The following MAGI2 variants were observed in gnomAD, a reference collection of about 807,000 sequenced individuals.
MAGI2 encodes the protein membrane-associated guanylate kinase, WW and PDZ domain-containing protein 2.
In MAGI2, 35 loss-of-function variants were observed where a neutral mutation model predicts 133.3. The observed-to-expected ratio is 0.26, with a 90% confidence interval of 0.20 to 0.35. The LOEUF is 0.35. Among genes scored for constraint, MAGI2 ranks in the 10% least tolerant of loss-of-function variants. MAGI2 has a pLI of 1.00. For missense variants in MAGI2, 1,636 were observed against 1,863.4 expected (o/e 0.88, Z 2.25); for synonymous variants, 729 against 710.6 (o/e 1.03, Z -0.41).
chr7:79,163,396 A>G (rs998681650), intron 1 of MAGI2, among the ~76,000 whole-genome samples: 1 of 151,522 alleles, frequency 6.6e-6, no homozygotes, highest in Non-Finnish European at 1.5e-5. Context: ...CTGGTTGCCA[A>G]CTCCTGACCT....
At chr7:78,397,744 C>T (rs965250530) in intron 6 of MAGI2, among the ~76,000 whole-genome samples, 1 of 152,122 alleles carries the variant, frequency 6.6e-6, no homozygotes, top group African/African-American at 2.4e-5. Flanking sequence ...TTTCGCTTCT[C>T]ACATGACTTC....
chr7:78,378,425 C>T (rs757177909), intron 6 of MAGI2, among the ~76,000 whole-genome samples: 1 of 151,842 alleles, frequency 6.6e-6, no homozygotes, highest in African/African-American at 2.4e-5. Flanking sequence ...AAAAATTGTC[C>T]CCAGTCAATT....
rs866967485 is a variant in MAGI2, at chr7:79,324,621, T to C, written c.301+128399A>G. Among the ~76,000 whole-genome samples the C allele has an allele frequency of 5.6e-5, 3 of 53,300 alleles. 1 individual carries two copies. The highest frequency in any genetic ancestry group is 9.7e-5 in the Non-Finnish European group (3 of 30,818). 35.0% of individuals were successfully genotyped at this position (53,300 alleles called of 152,430 possible). Reference sequence around the variant, plus strand: ...ATATATATATAAAAAATATATATAATATATATATTATATATATATAAAATA... The same window carrying C: ...ATATATATATAAAAAATATATATAACATATATATTATATATATATAAAATA... On this transcript the variant is annotated intron_variant, in intron 1 of 21. Coordinates refer to ENST00000354212, the MANE Select transcript of MAGI2 (RefSeq NM_012301.4).
At chr7:78,708,611 T>C (rs568089865) in intron 2 of MAGI2, among the ~76,000 whole-genome samples, 2 of 152,274 alleles carry the variant, frequency 1.3e-5, no homozygotes, top group East Asian at 3.9e-4. Flanking sequence ...GGAGAATATG[T>C]TTCAAAAAAG....
chr7:78,109,342 GA>G (rs1275964929), intron 20 of MAGI2, among the ~76,000 whole-genome samples: 1 of 85,736 alleles, frequency 1.2e-5, no homozygotes, highest in African/African-American at 4.4e-5. Flanking sequence ...AAAGAAAAAA[GA>G]AAAAAAAAAG....
At chr7:79,092,922 T>C (rs916697735) in intron 1 of MAGI2, among the ~76,000 whole-genome samples, 1 of 152,138 alleles carries the variant, frequency 6.6e-6, no homozygotes, top group East Asian at 1.9e-4. Flanking sequence ...TGACCCACAA[T>C]TTACTTACAT....
chr7:78,218,505 T>C (rs1788485541), intron 10 of MAGI2, among the ~76,000 whole-genome samples: 1 of 152,234 alleles, frequency 6.6e-6, no homozygotes, highest in Non-Finnish European at 1.5e-5. Flanking sequence ...TTGTTAACAA[T>C]TAACTTTTAG....
rs933080325 is a variant in MAGI2, at chr7:79,045,036, T to C, written c.302-37830A>G. Reference sequence around the variant, plus strand: ...TCACAAAATTGGGAAAACCTAAATATGTATCCATAGAATAGTGGGTTAATA... The same window carrying C: ...TCACAAAATTGGGAAAACCTAAATACGTATCCATAGAATAGTGGGTTAATA... On this transcript the variant is annotated intron_variant, in intron 1 of 21. Transcript: ENST00000354212. 7.9e-5 allele frequency among the ~76,000 whole-genome samples: 12 copies of C among 152,322 alleles called. No homozygotes were observed. In the South Asian group the frequency reaches 1.4e-3, roughly 18 times the overall value.
At chr7:78,560,678 T>C (rs1447618327) in intron 3 of MAGI2, among the ~76,000 whole-genome samples, 1 of 152,228 alleles carries the variant, frequency 6.6e-6, no homozygotes. Context: ...ATTTGTGGGC[T>C]TCAGCGGTAG....
At chr7:78,608,949 A>T (rs1489845875) in intron 3 of MAGI2, among the ~76,000 whole-genome samples, 1 of 152,214 alleles carries the variant, frequency 6.6e-6, no homozygotes, top group Non-Finnish European at 1.5e-5. Context: ...AAGGTCCCAC[A>T]ATAGACTGCA....
intron 6 of MAGI2, among the ~76,000 whole-genome samples, chr7:78,465,681 G>A (rs1235914163): frequency 6.6e-6 from 1 of 152,128 alleles, no homozygotes; most frequent in Non-Finnish European, 1.5e-5. Context: ...TATGAAAGAG[G>A]CTCTAAATGG....
At chr7:78,546,938 A>G (rs1323456270) in intron 3 of MAGI2, among the ~76,000 whole-genome samples, 1 of 152,190 alleles carries the variant, frequency 6.6e-6, no homozygotes. Flanking sequence ...CAACTAGTAA[A>G]TACTATTATT....
rs187878324 is a variant in MAGI2, at chr7:79,067,212, T to C, written c.302-60006A>G. Among the ~76,000 whole-genome samples the C allele has an allele frequency of 4.8e-3, 728 of 152,364 alleles. 5 individuals are homozygous for C. Among genetic ancestry groups the C allele is most frequent in the Non-Finnish European group, 8.7e-3 (591 of 68,032 alleles). On this transcript the variant is annotated intron_variant, in intron 1 of 21. Coordinates refer to ENST00000354212, the MANE Select transcript of MAGI2 (RefSeq NM_012301.4). ...ATTACTTTGGGCAGTATGGCCATTT[T>C]CATGATATTGATTCTTCCTATCCAT...
At chr7:79,317,505 T>C (rs1838831435) in intron 1 of MAGI2, among the ~76,000 whole-genome samples, 1 of 152,182 alleles carries the variant, frequency 6.6e-6, no homozygotes, top group African/African-American at 2.4e-5. Context: ...AATAAAAACA[T>C]ACAGGTGAAG....
At chr7:79,272,730 T>C (rs1296155642) in intron 1 of MAGI2, among the ~76,000 whole-genome samples, 1 of 143,772 alleles carries the variant, frequency 7.0e-6, no homozygotes, top group Non-Finnish European at 1.5e-5. Flanking sequence ...AATATAGTAT[T>C]AATCTAATAC....
chr7:78,501,670 T>C lies in MAGI2; in HGVS notation c.872A>G (p.Lys291Arg), dbSNP rs766888524. The change falls in exon 5 of 22, where the codon AAG becomes AGG. Residue 291 changes from lysine to arginine, a missense_variant. This residue lies in a region of MAGI2 where 165 missense variants were observed against 128.4 expected (regional missense o/e 1.28). Transcript: ENST00000354212. ...CTCATTGTCTTCAGGTTTAGTTGGC[T>C]TTGTGTCATCCATCTGCTCCTTCAG... ...EELKEQMDDTKPTKPEDNEEP... is the reference protein window; with the variant it reads ...EELKEQMDDTRPTKPEDNEEP... 40 of 1,614,054 alleles carry C rather than the reference T, an allele frequency of 2.5e-5. No homozygotes were observed. In the South Asian group the frequency reaches 4.3e-4, roughly 17 times the overall value.
rs201535751 is a variant in MAGI2, at chr7:79,317,876, C to A, written c.301+135144G>T. ...CTGGAATGTGCCTGGTTTCAGCCAG[C>A]AGCATGTCAGTTCAGTTAAGATGAC... On this transcript the variant is annotated intron_variant, in intron 1 of 21. Transcript: ENST00000354212. Among the ~76,000 whole-genome samples, 3 of 152,302 alleles carry A rather than the reference C, an allele frequency of 2.0e-5. No individual in the cohort carries two copies. In the East Asian group the frequency reaches 5.8e-4, roughly 29 times the overall value.
chr7:79,186,230 A>AATAATT (rs1827114636), intron 1 of MAGI2, among the ~76,000 whole-genome samples: 2 of 67,944 alleles, frequency 2.9e-5, no homozygotes, highest in Admixed American at 3.2e-4. Context: ...ATATATATAT[A>AATAATT]TATATATATA....
intron 6 of MAGI2, among the ~76,000 whole-genome samples, chr7:78,453,709 T>C (rs532525634): frequency 8.5e-4 from 130 of 152,290 alleles, no homozygotes; most frequent in African/African-American, 3.1e-3. Context: ...TTCATAGACA[T>C]TATCCCAGAT....
Sources: gnomAD v4.1 joint callset for allele counts (sites outside exome capture counted in the v4.1 genomes callset) on GRCh38, gnomAD v4.1.1 for gene constraint, gnomAD v4.1.1 regional missense constraint, MANE v1.5 for transcripts, NCBI Gene and HGNC (gene_info 2026-07-23, HGNC 2026-07-21) for gene names.